Variants in FRMPD2 observed in about 807,000 individuals in gnomAD.
FRMPD2 encodes FERM and PDZ domain-containing protein 2.
Under a neutral mutation model 140.1 loss-of-function variants are expected in FRMPD2, and 96 were observed. The ratio of observed to expected loss-of-function variants is 0.69; its 90% CI spans 0.58 to 0.81. The LOEUF is 0.81. Among genes scored for constraint, FRMPD2 ranks in the 40% least tolerant of loss-of-function variants. The probability of loss-of-function intolerance (pLI) is 0.00; values close to 1 mark genes in which losing one functional copy is unlikely to be tolerated. For synonymous variants in FRMPD2, 449 were observed against 547.6 expected (o/e 0.82, Z 2.52); for missense variants, 1,240 against 1,447.4 (o/e 0.86, Z 2.32).
intron 20 of FRMPD2, among the ~76,000 whole-genome samples, chr10:48,181,835 A>C (rs1176336700): frequency 7.5e-6 from 1 of 134,006 alleles, no homozygotes; most frequent in Non-Finnish European, 1.6e-5. Context: ...ATATATGTAT[A>C]TATGAAAGAA....
At chr10:48,246,992 T>C (rs923283864) in intron 3 of FRMPD2, among the ~76,000 whole-genome samples, 3 of 152,236 alleles carry the variant, frequency 2.0e-5, no homozygotes, top group Non-Finnish European at 4.4e-5. Context: ...CCTAGAGCGC[T>C]AAACCAATGT....
Position 48,187,122 on chromosome 10 carries a change from A to G in FRMPD2, c.2266+70T>C, listed in dbSNP as rs1285096549. 7.0e-6 allele frequency: 7 copies of G among 994,810 alleles called. No homozygotes were observed. In the Admixed American group the frequency reaches 7.2e-5, roughly 10 times the overall value. The allele number at this position is 994,810 out of a possible 1,614,324, so 61.6% of individuals were successfully genotyped here. On this transcript the variant is annotated intron_variant, in intron 17 of 28. Coordinates refer to ENST00000374201, the MANE Select transcript of FRMPD2 (RefSeq NM_001018071.4). The stretch of plus-strand genomic sequence containing the variant: ...GTGGGAAGCAAAAATAAGTGGTGGT[A>G]AAAGACTCAAAGCAAGCTTCCTGCG...
chr10:48,256,035 G>A lies in FRMPD2; in HGVS notation c.26-4344C>T, dbSNP rs561447631. ...GCCTACCTGCTAGTTTGCAGAGCAC[G>A]TGCAACCCACACTGCAAAGCCAGGG... On this transcript the variant is annotated intron_variant, in intron 1 of 28. Coordinates refer to ENST00000374201, the MANE Select transcript of FRMPD2 (RefSeq NM_001018071.4). 1.5e-3 allele frequency among the ~76,000 whole-genome samples: 228 copies of A among 152,362 alleles called. 3 individuals carry two copies. The Middle Eastern group carries it at 0.017, about 11-fold the overall frequency.
upstream of FRMPD2, chr10:48,274,889 T>C (rs916494855): frequency 5.3e-6 from 2 of 377,674 alleles, no homozygotes; most frequent in Non-Finnish European, 9.6e-6. Context: ...TAGGTGCCAC[T>C]GAAGGCAATG....
chr10:48,232,155 G>T lies in FRMPD2; in HGVS notation c.1128C>A (p.Asn376Lys), dbSNP rs766186924. 2.2e-5 allele frequency: 35 copies of T among 1,614,068 alleles called. No homozygotes were observed. In the South Asian group the frequency reaches 3.3e-4, roughly 15 times the overall value. The change falls in exon 10 of 29, where the codon AAC becomes AAA. Residue 376 changes from asparagine to lysine, a missense_variant. By Grantham distance (94) the Asn-to-Lys change is moderately conservative. Transcript: ENST00000374201. ...AGCCAAAGTAGGTGAGTTCCTCGAG[G>T]TTGGCAAAGGATGTCACGGCATTGA... is the stretch of plus-strand genomic sequence containing the variant. The part of the protein sequence containing the change: ...AVFNAVTSFA[N>K]LEELTYFGLA...
intron 1 of FRMPD2, among the ~76,000 whole-genome samples, chr10:48,256,483 A>T (rs1840493053): frequency 6.6e-6 from 1 of 152,022 alleles, no homozygotes; most frequent in Non-Finnish European, 1.5e-5. Flanking sequence ...GTCTTCATTC[A>T]TCTCCCCTCC....
chr10:48,159,912 G>C (rs1166573715), intron 28 of FRMPD2, among the ~76,000 whole-genome samples: 4 of 151,624 alleles, frequency 2.6e-5, no homozygotes, highest in Non-Finnish European at 5.9e-5. Context: ...ATCTGTCTCT[G>C]TTTCTATTGG....
intron 20 of FRMPD2, among the ~76,000 whole-genome samples, chr10:48,181,915 C>A (rs1838562770): frequency 7.0e-6 from 1 of 143,794 alleles, no homozygotes; most frequent in African/African-American, 2.6e-5. Flanking sequence ...CACACACAGA[C>A]ACGCACAGCT....
intron 2 of FRMPD2, among the ~76,000 whole-genome samples, chr10:48,250,724 G>C (rs1438439070): frequency 6.6e-6 from 1 of 150,934 alleles, no homozygotes; most frequent in Non-Finnish European, 1.5e-5. Context: ...ATGCCTTACA[G>C]TTGCTCTTCA....
intron 12 of FRMPD2, among the ~76,000 whole-genome samples, chr10:48,216,560 T>C (rs1275578266): frequency 6.6e-6 from 1 of 152,186 alleles, no homozygotes; most frequent in Admixed American, 6.5e-5. Flanking sequence ...TGACATCCTG[T>C]ATCTGAATCT....
intron 12 of FRMPD2, 38 bp downstream of exon 12, chr10:48,222,275 A>G (rs1359178828): frequency 1.9e-6 from 3 of 1,598,194 alleles, no homozygotes. Context: ...CTGTTTTTCC[A>G]GTGACCCCAC....
chr10:48,203,803 G>A (rs1839141762), intron 14 of FRMPD2, among the ~76,000 whole-genome samples: 1 of 152,094 alleles, frequency 6.6e-6, no homozygotes, highest in Admixed American at 6.5e-5. Context: ...TATAATACAC[G>A]GAAAGTAAGA....
intron 1 of FRMPD2, among the ~76,000 whole-genome samples, chr10:48,257,146 C>T (rs767904790): frequency 2.0e-5 from 3 of 151,928 alleles, no homozygotes; most frequent in African/African-American, 4.8e-5. Context: ...TCTGTGGTCA[C>T]ATCGCCTTCT....
chr10:48,220,043 C>G (rs939131908), intron 12 of FRMPD2, among the ~76,000 whole-genome samples: 2 of 152,222 alleles, frequency 1.3e-5, no homozygotes, highest in Non-Finnish European at 2.9e-5. Context: ...GCTGCAAGAG[C>G]TAAGTGAGTT....
At chr10:48,231,978 C>T (rs372759813) in intron 10 of FRMPD2, 137 bp downstream of exon 10, 31 of 709,196 alleles carry the variant, frequency 4.4e-5, no homozygotes, top group African/African-American at 1.6e-4. Flanking sequence ...CCTCGTCATG[C>T]TGACTAATGT....
intron 4 of FRMPD2, among the ~76,000 whole-genome samples, chr10:48,244,035 G>A (rs1007296807): frequency 4.6e-5 from 7 of 152,212 alleles, no homozygotes; most frequent in Non-Finnish European, 1.0e-4. Context: ...GGAGTGCAGT[G>A]GTTTGATCTC....
At chr10:48,206,722 T>G in intron 14 of FRMPD2, 26 bp downstream of exon 14, 1 of 1,594,672 alleles carries the variant, frequency 6.3e-7, no homozygotes, top group Non-Finnish European at 8.6e-7. Flanking sequence ...GAAGTGCAGG[T>G]TATTTATCAA....
rs1307423978 is a variant in FRMPD2 at position 48,177,943 on chromosome 10, C to T, written c.2895+104G>A. On this transcript the variant is annotated intron_variant, in intron 22 of 28. Transcript: ENST00000374201. The stretch of plus-strand genomic sequence containing the variant: ...TTTTTATTTACCCCTTACATTTGTG[C>T]AAACTAAGCACACTGTCAGAGGTTG... 4.8e-6 allele frequency: 3 copies of T among 631,514 alleles called. No homozygotes were observed. The Admixed American group carries it at 7.1e-5, about 15-fold the overall frequency. The allele number at this position is 631,514 out of a possible 1,614,324, so 39.1% of individuals were successfully genotyped here.
At chr10:48,215,271 A>T (rs1324848253) in intron 12 of FRMPD2, among the ~76,000 whole-genome samples, 1 of 152,162 alleles carries the variant, frequency 6.6e-6, no homozygotes, top group East Asian at 1.9e-4. Context: ...CTTCACAGCC[A>T]CCGAGGCTCA....
Sources: gnomAD v4.1 joint callset for allele counts (sites outside exome capture counted in the v4.1 genomes callset) on GRCh38, gnomAD v4.1.1 for gene constraint, MANE v1.5 for transcripts, NCBI Gene and HGNC (gene_info 2026-07-23, HGNC 2026-07-21) for gene names.